Variants in SPTB observed in about 807,000 individuals in gnomAD.
SPTB encodes spectrin beta chain, erythrocytic.
In SPTB, 45 loss-of-function variants were observed where a neutral mutation model predicts 256.2. The observed-to-expected ratio is 0.18, with a 90% CI of 0.14 to 0.23. The LOEUF is 0.23. Ranked by LOEUF, SPTB falls within the 10% of genes least tolerant of loss-of-function variation. The probability of loss-of-function intolerance (pLI) is 1.00; values close to 1 mark genes in which losing one functional copy is unlikely to be tolerated. For synonymous variants in SPTB, 1,231 were observed against 1,243.1 expected (o/e 0.99, Z 0.21); for missense variants, 2,715 against 3,040.4 (o/e 0.89, Z 2.52).
chr14:64,766,672 G>C (rs1388242154), intron 32 of SPTB, 54 bp downstream of exon 32: 2 of 1,613,430 alleles, frequency 1.2e-6, no homozygotes, highest in Non-Finnish European at 1.7e-6. Context: ...AGGGGTGAGA[G>C]GGCTCTGGCT....
At chr14:64,846,378 T>C (rs556116900) in intron 1 of SPTB, among the ~76,000 whole-genome samples, 6 of 152,200 alleles carry the variant, frequency 3.9e-5, no homozygotes, top group Admixed American at 1.3e-4. Context: ...TAGGGCCTCA[T>C]ACTTTGCAGA....
chr14:64,800,899 C>G lies in SPTB; in HGVS notation c.764-31G>C, dbSNP rs377592577. ...AGGGAAAAGGGTGTACTCTCAGGAC[C>G]AAACTGGAAGTCGGGAAAGTCAGGC... On this transcript the variant is annotated intron_variant, in intron 7 of 35. Transcript: ENST00000644917. The G allele has an allele frequency of 8.3e-6, 13 of 1,569,960 alleles. No individual in the cohort carries two copies. The African/African-American group carries it at 1.8e-4, about 21-fold the overall frequency.
intron 1 of SPTB, among the ~76,000 whole-genome samples, chr14:64,833,810 G>A (rs554317560): frequency 6.6e-6 from 1 of 152,316 alleles, no homozygotes; most frequent in African/African-American, 2.4e-5. Context: ...AAGATCGTTT[G>A]TTGAATAAAT....
In SPTB at chr14:64,747,448, A is replaced by G. The variant is rs954549945; in HGVS notation, c.*1858T>C. ...CACACTAGGTTCCCTGTATAGGGTC[A>G]TATGTACCAAAGCCAAATGAAGACC... On this transcript the variant is annotated 3_prime_UTR_variant, in exon 36 of 36. Coordinates refer to ENST00000644917, the MANE Select transcript of SPTB (RefSeq NM_001355436.2). The G allele has an allele frequency of 1.3e-5, 2 of 152,682 alleles. No individual in the cohort carries two copies. Among genetic ancestry groups the G allele is most frequent in the Non-Finnish European group, 2.9e-5 (2 of 68,056 alleles). The allele number at this position is 152,682 out of a possible 1,614,324, so 9.5% of individuals were successfully genotyped here. A position where few individuals can be genotyped will look rare whatever the true frequency, so the allele number is the denominator to read the frequency against.
chr14:64,855,569 G>C (rs1349425349), intron 1 of SPTB, among the ~76,000 whole-genome samples: 1 of 151,394 alleles, frequency 6.6e-6, no homozygotes, highest in African/African-American at 2.4e-5. Flanking sequence ...CGAACTCCTA[G>C]GCTCAAGCAA....
chr14:64,869,024 T>TA lies in SPTB; in HGVS notation c.-52+10767dup, dbSNP rs768819177. 2.8e-3 allele frequency among the ~76,000 whole-genome samples: 390 copies of TA among 139,486 alleles called. 3 individuals are homozygous for TA. The highest frequency in any genetic ancestry group is 4.0e-3 in the Non-Finnish European group (255 of 63,740). The allele number at this position is 139,486 out of a possible 152,430, so 91.5% of individuals were successfully genotyped here. ...TTTCAAATCATTAAAGATGCAGGAT[T>TA]AAAAAAAAAAAAAAGAAACGCTGAG... On this transcript the variant is annotated intron_variant, in intron 1 of 35. Transcript: ENST00000644917.
intron 33 of SPTB, 125 bp downstream of exon 33, chr14:64,753,412 C>T: frequency 6.8e-7 from 1 of 1,479,446 alleles, no homozygotes; most frequent in Non-Finnish European, 9.2e-7. Flanking sequence ...TCTAGGAGCT[C>T]TCACAGGCCA....
chr14:64,787,338 C>T (rs1303797932), intron 15 of SPTB, among the ~76,000 whole-genome samples, 178 bp from the exon 16 acceptor site: 1 of 152,138 alleles, frequency 6.6e-6, no homozygotes, highest in African/African-American at 2.4e-5. Context: ...ATTCACTTCT[C>T]CAATTTTACT....
Position 64,807,495 on chromosome 14 carries a change from G to A in SPTB, c.149-2405C>T, listed in dbSNP as rs2083006385. Among the ~76,000 whole-genome samples the A allele has an allele frequency of 6.6e-6, 1 of 152,212 alleles. No individual in the cohort carries two copies. Among genetic ancestry groups the A allele is most frequent in the African/African-American group, 2.4e-5 (1 of 41,448 alleles). ...GAGCCACAGGTTTTGAGCACAGGCAGGTGGCCTCCTAGCTGCCTTTTATTT... is the reference window on the plus strand; with the variant it reads ...GAGCCACAGGTTTTGAGCACAGGCAAGTGGCCTCCTAGCTGCCTTTTATTT... On this transcript the variant is annotated intron_variant, in intron 2 of 35. Transcript: ENST00000644917. The surrounding 1 kb of genome is among the most constrained non-coding windows in gnomAD (Gnocchi z 4.7).
rs775200185 is a variant in SPTB, at chr14:64,772,858, C to T, written c.5275G>A (p.Asp1759Asn). The change falls in exon 26 of 36, where the codon GAC (aspartate) becomes AAC (asparagine). Residue 1759 changes from aspartate (D) to asparagine (N), a missense_variant. Asp to Asn is a conservative substitution (Grantham distance 23, BLOSUM62 1). Coordinates refer to ENST00000644917, the MANE Select transcript of SPTB (RefSeq NM_001355436.2). The surrounding 1 kb of genome is among the most constrained non-coding windows in gnomAD (Gnocchi z 5.4). ...GTGGCCGCCTCGCTGTGGCCCGCGT[C>T]GATGAGTCGCTCGATGAAGGCATTC... ...NVNAFIERLIDAGHSEAATIA... is the reference protein window; with the variant it reads ...NVNAFIERLINAGHSEAATIA... 16 of 1,612,394 alleles carry T rather than the reference C, an allele frequency of 9.9e-6. No homozygotes were observed. In the Admixed American group the frequency reaches 1.2e-4, roughly 12 times the overall value.
rs1221111041 is a variant in SPTB at position 64,792,077 on chromosome 14, G to A, written c.2667-221C>T. On this transcript the variant is annotated intron_variant, in intron 14 of 35. Transcript: ENST00000644917. The surrounding 1 kb of genome is among the most constrained non-coding windows in gnomAD (Gnocchi z 4.2). ...GTTAGCATTGCCTGGAACAGGCCGG[G>A]AGAGAGCCAGTTACTTCCTACACGG... Among the ~76,000 whole-genome samples the A allele has an allele frequency of 6.6e-6, 1 of 152,216 alleles. No homozygotes were observed. Among genetic ancestry groups the A allele is most frequent in the African/African-American group, 2.4e-5 (1 of 41,452 alleles).
At position 64,816,933 on chromosome 14, in the gene SPTB, C is replaced by A. The variant is rs892745680; in HGVS notation, c.148+6014G>T. ...TTGGGAACAAATCCCACAGAAATGT[C>A]CCAAAGATGGAGGAGGCTATTAACG... On this transcript the variant is annotated intron_variant, in intron 2 of 35. Transcript: ENST00000644917. This position sits in a 1 kb window ranked among gnomAD's most constrained non-coding sequence, Gnocchi z 4.2. 1.3e-5 allele frequency among the ~76,000 whole-genome samples: 2 copies of A among 152,178 alleles called. No homozygotes were observed. Among genetic ancestry groups the A allele is most frequent in the African/African-American group, 4.8e-5 (2 of 41,428 alleles).
chr14:64,873,851 G>A lies in SPTB; in HGVS notation c.-52+5941C>T, dbSNP rs766699819. Reference sequence around the variant, plus strand: ...AAATGTACATTTCTAATCCTGTTTTGTAACTGGAAACCAGGAATAATCAGA... The same window carrying A: ...AAATGTACATTTCTAATCCTGTTTTATAACTGGAAACCAGGAATAATCAGA... On this transcript the variant is annotated intron_variant, in intron 1 of 35. Coordinates refer to ENST00000644917, the MANE Select transcript of SPTB (RefSeq NM_001355436.2). The surrounding 1 kb of genome is among the most constrained non-coding windows in gnomAD (Gnocchi z 4.3). 3.9e-5 allele frequency among the ~76,000 whole-genome samples: 6 copies of A among 152,120 alleles called. No individual in the cohort carries two copies. Among genetic ancestry groups the A allele is most frequent in the Non-Finnish European group, 8.8e-5 (6 of 68,006 alleles).
intron 28 of SPTB, among the ~76,000 whole-genome samples, chr14:64,769,321 G>A (rs1314398123): frequency 6.6e-6 from 1 of 152,182 alleles, no homozygotes; most frequent in Non-Finnish European, 1.5e-5. Context: ...ATTAAAGGAG[G>A]TCACCAGCTC....
At chr14:64,799,189 G>A (rs1182413912) in intron 9 of SPTB, among the ~76,000 whole-genome samples, 2 of 152,246 alleles carry the variant, frequency 1.3e-5, no homozygotes, top group Admixed American at 6.5e-5. Flanking sequence ...AGGTATGCAT[G>A]TGTGTGCACG....
chr14:64,822,133 A>T (rs2083297303), intron 2 of SPTB, among the ~76,000 whole-genome samples: 1 of 151,504 alleles, frequency 6.6e-6, no homozygotes, highest in Admixed American at 6.6e-5. Context: ...CAGGTGAAGG[A>T]ACCCACCTTC....
At chr14:64,753,902 C>G in intron 32 of SPTB, 109 bp from the exon 33 acceptor site, 1 of 1,460,214 alleles carries the variant, frequency 6.8e-7, no homozygotes, top group Non-Finnish European at 9.4e-7. Flanking sequence ...ACCCCCAAGC[C>G]TACTTCCTTT....
chr14:64,858,182 A>G (rs1011553482), intron 1 of SPTB, among the ~76,000 whole-genome samples: 2 of 152,206 alleles, frequency 1.3e-5, no homozygotes, highest in Non-Finnish European at 2.9e-5. Context: ...AGTTTCTACT[A>G]CAAATGAAGT....
In SPTB at chr14:64,785,962, A is replaced by G. The variant is rs2139563159; in HGVS notation, c.3562-11T>C. ...AGCCAGAGTGTATTCCTGTTGGAACAAGTTTCCAGACAAGGCATGAAGACA... is the reference window on the plus strand; with the variant it reads ...AGCCAGAGTGTATTCCTGTTGGAACGAGTTTCCAGACAAGGCATGAAGACA... On this transcript the variant is annotated splice_polypyrimidine_tract_variant and intron_variant, in intron 16 of 35. Transcript: ENST00000644917. This position sits in a 1 kb window ranked among gnomAD's most constrained non-coding sequence, Gnocchi z 4.4. 6.2e-7 allele frequency: 1 copy of G among 1,613,830 alleles called. No individual in the cohort carries two copies. The highest frequency in any genetic ancestry group is 8.5e-7 in the Non-Finnish European group (1 of 1,179,962).
Sources: allele counts gnomAD v4.1 joint callset (sites outside exome capture counted in the v4.1 genomes callset), GRCh38; gene constraint gnomAD v4.1.1; non-coding constraint Gnocchi (gnomAD v3.1); transcripts MANE v1.5; gene names NCBI Gene and HGNC (gene_info 2026-07-23, HGNC 2026-07-21).